The following CDC40 variants were observed in gnomAD, a reference collection of about 807,000 sequenced individuals.
CDC40 encodes the protein cell division cycle 40.
CDC40 carries 27 observed loss-of-function variants against 80.6 expected under a neutral mutation model. The observed-to-expected ratio is 0.33, with a 90% CI of 0.25 to 0.46. The LOEUF (loss-of-function observed/expected upper bound fraction) is 0.46. Among genes scored for constraint, CDC40 ranks in the 20% least tolerant of loss-of-function variants. CDC40 has a pLI of 1.00. For synonymous variants in CDC40, 221 were observed against 232.6 expected (o/e 0.95, Z 0.45); for missense variants, 486 against 694.1 (o/e 0.70, Z 3.37).
intron 6 of CDC40, 172 bp downstream of exon 6, chr6:110,210,975 A>C: frequency 3.4e-6 from 1 of 296,690 alleles, no homozygotes; most frequent in Non-Finnish European, 6.5e-6. Flanking sequence ...ACTTCTGTAT[A>C]CTGATAAAGG....
intron 5 of CDC40, 101 bp from the exon 6 acceptor site, chr6:110,210,606 G>A: frequency 2.3e-6 from 1 of 430,546 alleles, no homozygotes. Flanking sequence ...AACATACTCG[G>A]ACCAGATATG....
intron 2 of CDC40, among the ~76,000 whole-genome samples, chr6:110,197,553 C>T (rs1584066586): frequency 6.6e-6 from 1 of 152,208 alleles, no homozygotes; most frequent in Non-Finnish European, 1.5e-5. Context: ...AATTGTACAT[C>T]CTTTGACCAA....
chr6:110,185,986 G>A (rs1417335871), intron 1 of CDC40, among the ~76,000 whole-genome samples: 1 of 152,088 alleles, frequency 6.6e-6, no homozygotes, highest in Non-Finnish European at 1.5e-5. Flanking sequence ...CAGCACATTC[G>A]ATCAGTACTT....
At chr6:110,213,374 G>C (rs1584077041) in intron 8 of CDC40, among the ~76,000 whole-genome samples, 1 of 149,494 alleles carries the variant, frequency 6.7e-6, no homozygotes, top group East Asian at 2.0e-4. Flanking sequence ...TTTTGTTGTT[G>C]TTTTTGTTTT....
chr6:110,219,853 C>G lies in CDC40; in HGVS notation c.1324C>G (p.Leu442Val). The G allele has an allele frequency of 6.2e-7, 1 of 1,613,580 alleles. No homozygotes were observed. Among genetic ancestry groups the G allele is most frequent in the South Asian group, 1.1e-5 (1 of 90,936 alleles). ...TGTGAGCACATCTGATGATAAAAGC[C>G]TAAGAGTTTGGGAATGGTGAGTTTC... ...RFVSTSDDKS[L>V]RVWEWDIPVD... The change falls in exon 12 of 15, where the codon CTA (leucine) becomes GTA (valine). Residue 442 changes from leucine (L) to valine (V), a missense_variant. Leu to Val is a conservative substitution (Grantham distance 32, BLOSUM62 1). Transcript: ENST00000307731.
intron 1 of CDC40, among the ~76,000 whole-genome samples, chr6:110,181,707 C>T (rs1420441458): frequency 6.6e-6 from 1 of 152,190 alleles, no homozygotes; most frequent in Non-Finnish European, 1.5e-5. Context: ...TTGGAGCTCT[C>T]TTTTTGTCTT....
chr6:110,230,149 C>A lies in CDC40; in HGVS notation c.*18C>A, dbSNP rs762353246. On this transcript the variant is annotated 3_prime_UTR_variant, in exon 15 of 15. Transcript: ENST00000307731. ...GGGATTAATGAGATTAATCCTTAAA[C>A]TAGCTGGGATCATTTTTGATCCATT... 1.2e-4 allele frequency: 186 copies of A among 1,509,654 alleles called. No homozygotes were observed. The highest frequency in any genetic ancestry group is 7.4e-4 in the Middle Eastern group (4 of 5,388). 93.5% of individuals were successfully genotyped at this position (1,509,654 alleles called of 1,614,324 possible). A position where few individuals can be genotyped will look rare whatever the true frequency, so the allele number is the denominator to read the frequency against.
intron 2 of CDC40, 34 bp downstream of exon 2, chr6:110,193,302 T>G (rs768137860): frequency 4.9e-6 from 6 of 1,214,566 alleles, no homozygotes; most frequent in Non-Finnish European, 1.2e-6. Context: ...TGACTTTTGC[T>G]AAAGAATTTA....
At chr6:110,224,243 C>T (rs1777820076) in intron 12 of CDC40, 1 of 152,080 alleles carries the variant, frequency 6.6e-6, no homozygotes, top group Non-Finnish European at 1.5e-5. Flanking sequence ...TACTGTTTAT[C>T]ATTTAGCTTT....
At chr6:110,221,877 T>C (rs1229250451) in intron 12 of CDC40, among the ~76,000 whole-genome samples, 1 of 151,792 alleles carries the variant, frequency 6.6e-6, no homozygotes, top group Non-Finnish European at 1.5e-5. Flanking sequence ...TTTTTTTTTT[T>C]TTTTTCATTT....
intron 6 of CDC40, chr6:110,211,172 C>T (rs1777632823): frequency 6.6e-6 from 1 of 152,556 alleles, no homozygotes; most frequent in African/African-American, 2.4e-5. Context: ...AAGCCAAATA[C>T]TCAGGTATCC....
chr6:110,198,611 T>C (rs913256996), intron 2 of CDC40, among the ~76,000 whole-genome samples: 1 of 152,230 alleles, frequency 6.6e-6, no homozygotes, highest in Non-Finnish European at 1.5e-5. Flanking sequence ...CCTTACCAGA[T>C]GTATGGTTTG....
intron 12 of CDC40, among the ~76,000 whole-genome samples, chr6:110,220,093 G>A (rs1458948427): frequency 6.6e-6 from 1 of 152,120 alleles, no homozygotes; most frequent in Non-Finnish European, 1.5e-5. Flanking sequence ...CAAAGGATGT[G>A]TATCTTGAGT....
intron 9 of CDC40, among the ~76,000 whole-genome samples, chr6:110,217,500 C>T (rs1029414348): frequency 6.6e-6 from 1 of 152,082 alleles, no homozygotes; most frequent in African/African-American, 2.4e-5. Flanking sequence ...GGAGCTTCTT[C>T]AAGGGGAAAA....
In CDC40 at chr6:110,219,448, T is replaced by G. The variant is rs780497682; in HGVS notation, c.1175T>G (p.Val392Gly). ...GATGAAGATAAGCAAAATCTCTTTG[T>G]GGCTGGGATGTCTGATAAGAAGATT... is the stretch of plus-strand genomic sequence containing the variant. ...NPDEDKQNLF[V>G]AGMSDKKIVQ... Residue 392 changes from valine to glycine, a missense_variant, in exon 11 of 15, where the codon GTG becomes GGG. Coordinates refer to ENST00000307731, the MANE Select transcript of CDC40 (RefSeq NM_015891.3). 6.2e-7 allele frequency: 1 copy of G among 1,603,906 alleles called. No homozygotes were observed. The highest frequency in any genetic ancestry group is 8.5e-7 in the Non-Finnish European group (1 of 1,171,250).
At chr6:110,219,601 C>A in intron 11 of CDC40, 122 bp downstream of exon 11, 1 of 1,179,338 alleles carries the variant, frequency 8.5e-7, no homozygotes, top group Non-Finnish European at 1.2e-6. Context: ...GGCTAATGCA[C>A]CATTCTTAGC....
chr6:110,210,790 G>A lies in CDC40; in HGVS notation c.714G>A (p.Lys238=). The A allele has an allele frequency of 6.5e-7, 1 of 1,547,316 alleles. No homozygotes were observed. Among genetic ancestry groups the A allele is most frequent in the Non-Finnish European group, 8.7e-7 (1 of 1,144,082 alleles). ...KQEEEKPGEE[K]TILHVKEMYD... ...AAGAAGAGAAACCTGGGGAGGAGAA[G>A]ACAATCTTACATGGTAACATATTTT... Residue 238 remains lysine (K), a synonymous_variant, in exon 6 of 15, where the codon AAG becomes AAA. Transcript: ENST00000307731.
intron 12 of CDC40, among the ~76,000 whole-genome samples, chr6:110,220,734 T>G (rs61164997): frequency 6.6e-6 from 1 of 152,030 alleles, no homozygotes; most frequent in African/African-American, 2.4e-5. Context: ...CGTGAGCCAC[T>G]GCACCCAGCC....
intron 8 of CDC40, among the ~76,000 whole-genome samples, chr6:110,213,536 C>A (rs967228236): frequency 2.6e-5 from 4 of 151,464 alleles, no homozygotes; most frequent in African/African-American, 4.9e-5. Context: ...ACTACAGGCA[C>A]CCATGGTGGC....
Sources: allele counts gnomAD v4.1 joint callset (sites outside exome capture counted in the v4.1 genomes callset), GRCh38; gene constraint gnomAD v4.1.1; transcripts MANE v1.5; gene names NCBI Gene and HGNC (gene_info 2026-07-23, HGNC 2026-07-21).